MYO16: variants seen among roughly 807,000 people sequenced by gnomAD.
The protein encoded by MYO16 is myosin XVI.
MYO16 carries 94 observed loss-of-function variants against 205.3 expected under a neutral mutation model. That is an observed-to-expected ratio of 0.46 (90% confidence interval 0.39 to 0.54). The LOEUF is 0.54. MYO16 is among the 20% of genes least tolerant of loss of function. MYO16 has a pLI of 0.00. For missense variants in MYO16, 2,315 were observed against 2,387.5 expected (o/e 0.97, Z 0.63); for synonymous variants, 988 against 954.0 (o/e 1.04, Z -0.66).
chr13:108,824,727 A>G (rs1344745345), intron 9 of MYO16, among the ~76,000 whole-genome samples: 4 of 152,106 alleles, frequency 2.6e-5, no homozygotes, highest in Non-Finnish European at 5.9e-5. Context: ...TGAAAGAGGA[A>G]CATTACTCCT....
rs1286274578 is a variant in MYO16 at position 109,140,662 on chromosome 13, C to G, written c.4450C>G (p.Arg1484Gly). Reference sequence around the variant, plus strand: ...CGGCGCATCGCCGCCCCTGCTCCACCGCGCGCCGGAGGACGAGGCGGCGGG... The same window carrying G: ...CGGCGCATCGCCGCCCCTGCTCCACGGCGCGCCGGAGGACGAGGCGGCGGG... Reference protein sequence around the residue: ...LHGASPPLLHRAPEDEAAGPP... With the variant: ...LHGASPPLLHGAPEDEAAGPP... Residue 1484 changes from arginine (R) to glycine (G), a missense_variant, in exon 32 of 35, where the codon CGC becomes GGC. Arg to Gly is a moderately radical substitution (Grantham distance 125). Around this residue, in one of 3 missense-constraint regions of MYO16, gnomAD observed 1,097 missense variants for 1,092.0 expected, o/e 1.00. Transcript: ENST00000457511. This position sits in a 1 kb window ranked among gnomAD's most constrained non-coding sequence, Gnocchi z 8.0. The G allele has an allele frequency of 6.7e-7, 1 of 1,492,956 alleles. No homozygotes were observed. The highest frequency in any genetic ancestry group is 2.3e-5 in the Admixed American group (1 of 42,902). The allele number at this position is 1,492,956 out of a possible 1,614,324, so 92.5% of individuals were successfully genotyped here.
intron 21 of MYO16, among the ~76,000 whole-genome samples, chr13:109,003,455 A>T (rs1885283529): frequency 6.6e-6 from 1 of 152,254 alleles, no homozygotes; most frequent in Non-Finnish European, 1.5e-5. Context: ...GAGACGCTGT[A>T]GGTTTTATCA....
At chr13:108,914,694 G>A (rs1881411132) in intron 16 of MYO16, among the ~76,000 whole-genome samples, 1 of 152,136 alleles carries the variant, frequency 6.6e-6, no homozygotes, top group African/African-American at 2.4e-5. Flanking sequence ...CCAGGCTGGA[G>A]TGCAGTGGTG....
At chr13:109,113,921 G>A (rs1471589541) in intron 28 of MYO16, among the ~76,000 whole-genome samples, 1 of 152,174 alleles carries the variant, frequency 6.6e-6, no homozygotes, top group Non-Finnish European at 1.5e-5. Flanking sequence ...ATAAATGTGT[G>A]CACAAGGAGA....
intron 2 of MYO16, among the ~76,000 whole-genome samples, chr13:108,681,716 T>A (rs1451090275): frequency 2.0e-5 from 3 of 152,016 alleles, no homozygotes; most frequent in Admixed American, 6.6e-5. Flanking sequence ...AGAGCCAGAG[T>A]TTTGTTTCTC....
chr13:108,902,453 G>A (rs1880756253), intron 15 of MYO16, among the ~76,000 whole-genome samples: 1 of 152,218 alleles, frequency 6.6e-6, no homozygotes, highest in Non-Finnish European at 1.5e-5. Context: ...ATATTAGAAT[G>A]TGTTAGATTA....
At chr13:109,022,399 ATATATG>A (rs1171832389) in intron 23 of MYO16, among the ~76,000 whole-genome samples, 4 of 5,864 alleles carry the variant, frequency 6.8e-4, no homozygotes, top group African/African-American at 1.0e-3. Flanking sequence ...ACATATATGT[ATATATG>A]TATATATTGT....
At chr13:108,886,051 G>T (rs749430703) in intron 13 of MYO16, among the ~76,000 whole-genome samples, 2 of 151,932 alleles carry the variant, frequency 1.3e-5, no homozygotes, top group Admixed American at 1.3e-4. Flanking sequence ...GCAGTGGCGC[G>T]ATCTGGGCTC....
At chr13:108,539,694 A>T in the MYO16 span, among the ~76,000 whole-genome samples, 1 of 152,122 alleles carries the variant, frequency 6.6e-6, no homozygotes, top group Non-Finnish European at 1.5e-5. Flanking sequence ...TTAATTAACT[A>T]GTCAACCATT....
chr13:108,907,011 T>C (rs1285653534), intron 15 of MYO16, among the ~76,000 whole-genome samples: 5 of 152,180 alleles, frequency 3.3e-5, no homozygotes, highest in African/African-American at 1.2e-4. Flanking sequence ...GTTGATAGTA[T>C]GTTTTTGGTG....
the MYO16 span, among the ~76,000 whole-genome samples, chr13:108,543,511 G>A: frequency 8.6e-5 from 13 of 151,578 alleles, no homozygotes; most frequent in South Asian, 2.1e-4. Context: ...GCGTGGTGGC[G>A]GGCGCCTGTA....
At chr13:108,829,595 T>A (rs1194230940) in intron 9 of MYO16, among the ~76,000 whole-genome samples, 1 of 152,122 alleles carries the variant, frequency 6.6e-6, no homozygotes, top group African/African-American at 2.4e-5. Flanking sequence ...ATCTGTGACC[T>A]GGGATAGAGA....
At chr13:108,624,268 T>G (rs1264361450) in intron 1 of MYO16, among the ~76,000 whole-genome samples, 1 of 152,226 alleles carries the variant, frequency 6.6e-6, no homozygotes, top group East Asian at 1.9e-4. Flanking sequence ...GTGTCCCAGC[T>G]GTCTTATTTA....
intron 4 of MYO16, among the ~76,000 whole-genome samples, chr13:108,749,470 A>G (rs1165789987): frequency 6.6e-6 from 1 of 152,224 alleles, no homozygotes; most frequent in East Asian, 1.9e-4. Context: ...CTTAACAGAC[A>G]CCTCAACCAA....
At chr13:108,662,475 G>A (rs1881545910) in intron 1 of MYO16, among the ~76,000 whole-genome samples, 1 of 152,154 alleles carries the variant, frequency 6.6e-6, no homozygotes, top group African/African-American at 2.4e-5. Flanking sequence ...TTTGGGGGAT[G>A]GTGGTGAGAT....
At chr13:108,586,727 A>T in the MYO16 span, among the ~76,000 whole-genome samples, 97,353 of 152,084 alleles carry the variant, frequency 0.64, 32,666 homozygotes, top group Non-Finnish European at 0.74. Flanking sequence ...TTATTATGAT[A>T]TAACAAGTGG....
At chr13:108,520,905 G>T in the MYO16 span, among the ~76,000 whole-genome samples, 1 of 152,098 alleles carries the variant, frequency 6.6e-6, no homozygotes, top group African/African-American at 2.4e-5. Flanking sequence ...TTGGGCTAAG[G>T]GGCCTCAAAT....
At chr13:108,695,063 G>A (rs1883037858) in intron 2 of MYO16, among the ~76,000 whole-genome samples, 1 of 152,226 alleles carries the variant, frequency 6.6e-6, no homozygotes, top group African/African-American at 2.4e-5. Context: ...AGTGAGCTGA[G>A]ATCGCACCAT....
intron 12 of MYO16, among the ~76,000 whole-genome samples, chr13:108,873,752 C>G (rs144347608): frequency 8.9e-5 from 10 of 112,984 alleles, no homozygotes; most frequent in South Asian, 4.2e-4. Flanking sequence ...CAGGGTCCAT[C>G]CCAACCAACC....
Sources: gnomAD v4.1 joint callset for allele counts (sites outside exome capture counted in the v4.1 genomes callset) on GRCh38, gnomAD v4.1.1 for gene constraint, gnomAD v4.1.1 regional missense constraint, Gnocchi (gnomAD v3.1) non-coding constraint, MANE v1.5 for transcripts, NCBI Gene and HGNC (gene_info 2026-07-23, HGNC 2026-07-21) for gene names.